The following COL6A2 variants were observed in gnomAD, a reference collection of about 807,000 sequenced individuals.
COL6A2 encodes the protein collagen alpha-2(VI) chain.
In COL6A2, 90 loss-of-function variants were observed where a neutral mutation model predicts 124.9. The ratio of observed to expected loss-of-function variants is 0.72; its 90% confidence interval spans 0.61 to 0.86. The LOEUF is 0.86. Ranked by LOEUF, COL6A2 falls within the 40% of genes least tolerant of loss-of-function variation. The probability of loss-of-function intolerance (pLI) is 0.00; values close to 1 mark genes in which losing one functional copy is unlikely to be tolerated. For missense variants in COL6A2, 1,607 were observed against 1,502.5 expected, an observed-to-expected ratio of 1.07 and a Z score of -1.15; for synonymous variants, 793 against 618.2, an observed-to-expected ratio of 1.28 and a Z score of -4.19.
chr21:46,129,042 G>A (rs1157013126), intron 27 of COL6A2: 24 of 1,601,164 alleles, frequency 1.5e-5, no homozygotes, highest in Non-Finnish European at 1.8e-5. Context: ...TGCCAAGGCC[G>A]AGCCACACAC....
rs1568940086 is a variant in COL6A2, at chr21:46,125,824, CCTTTGAGG to C, written c.2011_2018del (p.Phe671HisfsTer68). 2 of 1,612,604 alleles carry C rather than the reference CCTTTGAGG, an allele frequency of 1.2e-6. No homozygotes were observed. Among genetic ancestry groups the C allele is most frequent in the African/African-American group, 2.7e-5 (2 of 74,842 alleles). On this transcript the variant is annotated frameshift_variant, in exon 26 of 28. Coordinates refer to ENST00000300527, the MANE Select transcript of COL6A2 (RefSeq NM_001849.4). LOFTEE classifies it high-confidence loss of function. Reference sequence around the variant, plus strand: ...GTGGTGCAGTACAGCCACGAGGGCACCTTTGAGGCCATCCAGCTGGACGACGAACGTAT... The same window carrying C: ...GTGGTGCAGTACAGCCACGAGGGCACCCATCCAGCTGGACGACGAACGTAT...
rs139116075 is a variant in COL6A2, at chr21:46,132,204, G to A, written c.2712G>A (p.Ala904=). The A allele has an allele frequency of 1.8e-4, 278 of 1,584,514 alleles. No individual in the cohort carries two copies. The highest frequency in any genetic ancestry group is 2.2e-4 in the Non-Finnish European group (251 of 1,166,752). The change falls in exon 28 of 28, where the codon GCG becomes GCA. Residue 904 remains alanine, a synonymous_variant. Transcript: ENST00000300527. Reference sequence around the variant, plus strand: ...ACAACCTCACGGCCATCCACGAGGCGCTGGAGACCACACAATACCTGAACT... The same window carrying A: ...ACAACCTCACGGCCATCCACGAGGCACTGGAGACCACACAATACCTGAACT... The part of the protein sequence containing the change: ...LSHNLTAIHE[A]LETTQYLNSF...
At chr21:46,119,766 C>T in intron 14 of COL6A2, 22 bp from the exon 15 acceptor site, 2 of 1,554,750 alleles carry the variant, frequency 1.3e-6, no homozygotes, top group Middle Eastern at 1.7e-4. Flanking sequence ...CCCTCCCTCA[C>T]CCACACGCCT....
rs139955689 is a variant in COL6A2, at chr21:46,103,976, A to G, written c.-28+5803A>G. On this transcript the variant is annotated intron_variant, in intron 1 of 27. Coordinates refer to ENST00000300527, the MANE Select transcript of COL6A2 (RefSeq NM_001849.4). ...ACCATATATGTGGAGAAAATAAAAAAGTCATTGCACATGCTCAGGGGAAGT... is the reference window on the plus strand; with the variant it reads ...ACCATATATGTGGAGAAAATAAAAAGGTCATTGCACATGCTCAGGGGAAGT... Among the ~76,000 whole-genome samples, 874 of 152,338 alleles carry G rather than the reference A, an allele frequency of 5.7e-3. 10 individuals are homozygous for G. The highest frequency in any genetic ancestry group is 0.02 in the African/African-American group (826 of 41,562).
At position 46,132,133 on chromosome 21, in the gene COL6A2, C is replaced by G. The variant is rs2078768710; in HGVS notation, c.2641C>G (p.Gln881Glu). ...DPLNARVALL[Q>E]FGGPGEQQVA... ...TCTCAACGCACGCGTGGCGCTGCTG[C>G]AGTTTGGTGGCCCCGGCGAGCAGCA... Residue 881 changes from glutamine (Q) to glutamate (E), a missense_variant, in exon 28 of 28, where the codon CAG becomes GAG. By Grantham distance (29) the Gln-to-Glu change is conservative. Coordinates refer to ENST00000300527, the MANE Select transcript of COL6A2 (RefSeq NM_001849.4). 2 of 1,577,546 alleles carry G rather than the reference C, an allele frequency of 1.3e-6. No homozygotes were observed. Among genetic ancestry groups the G allele is most frequent in the East Asian group, 2.4e-5 (1 of 42,252 alleles).
At chr21:46,126,631 G>C in intron 27 of COL6A2, 90 bp downstream of exon 27, 1 of 1,517,528 alleles carries the variant, frequency 6.6e-7, no homozygotes, top group Non-Finnish European at 9.1e-7. Flanking sequence ...GGGAGGGGCC[G>C]TGCAGGGACC....
chr21:46,113,603 T>A (rs2078433646), intron 4 of COL6A2: 2 of 257,864 alleles, frequency 7.8e-6, no homozygotes, highest in African/African-American at 4.4e-5. Context: ...GTATTGTTTT[T>A]TTGTAGAGAT....
intron 1 of COL6A2, among the ~76,000 whole-genome samples, chr21:46,106,136 A>G (rs977877065): frequency 5.3e-5 from 8 of 152,288 alleles, no homozygotes; most frequent in African/African-American, 1.9e-4. Context: ...CAAGAGGGAA[A>G]GAAGGACATC....
chr21:46,118,402 T>G (rs1182315666), intron 12 of COL6A2, among the ~76,000 whole-genome samples: 1 of 152,194 alleles, frequency 6.6e-6, no homozygotes, highest in African/African-American at 2.4e-5. Context: ...TCTGAGCAGA[T>G]GCACAGGCGT....
At chr21:46,099,889 C>CTTTTTTTTTTTTTGT (rs2078269535) in intron 1 of COL6A2, among the ~76,000 whole-genome samples, 1 of 91,840 alleles carries the variant, frequency 1.1e-5, no homozygotes, top group Non-Finnish European at 2.1e-5. Flanking sequence ...GCAGCACTGT[C>CTTTTTTTTTTTTTGT]TTTTTTTTTT....
intron 27 of COL6A2, among the ~76,000 whole-genome samples, chr21:46,131,315 G>C (rs1187626517): frequency 6.6e-6 from 1 of 152,220 alleles, no homozygotes. Context: ...CCGATGCCCA[G>C]GGCTGGTGAC....
rs147670858 is a variant in COL6A2, at chr21:46,132,347, C to T, written c.2855C>T (p.Thr952Met). The change falls in exon 28 of 28, where the codon ACG becomes ATG. Residue 952 changes from threonine (T) to methionine (M), a missense_variant. Physicochemically the swap from Thr to Met is moderately conservative, Grantham distance 81 (BLOSUM62 -1). Coordinates refer to ENST00000300527, the MANE Select transcript of COL6A2 (RefSeq NM_001849.4). Reference sequence around the variant, plus strand: ...TTCGTGTTCCTCACGGACGGCGTCACGGGCAACGACAGTCTGCACGAGTCG... The same window carrying T: ...TTCGTGTTCCTCACGGACGGCGTCATGGGCAACGACAGTCTGCACGAGTCG... The part of the protein sequence containing the change: ...LSFVFLTDGV[T>M]GNDSLHESAH... 136 of 1,608,314 alleles carry T rather than the reference C, an allele frequency of 8.5e-5. 1 individual carries two copies. Among genetic ancestry groups the T allele is most frequent in the Middle Eastern group, 1.6e-4 (1 of 6,080 alleles).
rs1466849097 is a variant in COL6A2, at chr21:46,101,891, C to T, written c.-28+3718C>T. On this transcript the variant is annotated intron_variant, in intron 1 of 27. Coordinates refer to ENST00000300527, the MANE Select transcript of COL6A2 (RefSeq NM_001849.4). The stretch of plus-strand genomic sequence containing the variant: ...TTTTTTTTTTGGCTATTCGAGGTCC[C>T]TTGAGATTCCATCTAAATTTTAGGA... Among the ~76,000 whole-genome samples, 64 of 104,096 alleles carry T rather than the reference C, an allele frequency of 6.1e-4. 1 individual carries two copies. Among genetic ancestry groups the T allele is most frequent in the Non-Finnish European group, 1.1e-3 (59 of 53,526 alleles). The allele number at this position is 104,096 out of a possible 152,430, so 68.3% of individuals were successfully genotyped here. A position where few individuals can be genotyped will look rare whatever the true frequency, so the allele number is the denominator to read the frequency against.
In COL6A2 at chr21:46,132,276, C is replaced by T. The variant is rs199501232; in HGVS notation, c.2784C>T (p.Ile928=). The change falls in exon 28 of 28, where the codon ATC becomes ATT. Residue 928 remains isoleucine (I), a synonymous_variant. Coordinates refer to ENST00000300527, the MANE Select transcript of COL6A2 (RefSeq NM_001849.4). Reference sequence around the variant, plus strand: ...GCGTGGTGCACGCCATCAATGCCATCGTGCGCAGCCCGCGTGGCGGGGCCC... The same window carrying T: ...GCGTGGTGCACGCCATCAATGCCATTGTGCGCAGCCCGCGTGGCGGGGCCC... ...GAGVVHAINA[I]VRSPRGGARR... 140 of 1,606,480 alleles carry T rather than the reference C, an allele frequency of 8.7e-5. No homozygotes were observed. The highest frequency in any genetic ancestry group is 2.0e-4 in the Admixed American group (12 of 59,726).
At chr21:46,118,515 A>C in intron 12 of COL6A2, 99 bp from the exon 13 acceptor site, 1 of 1,133,430 alleles carries the variant, frequency 8.8e-7, no homozygotes, top group Non-Finnish European at 1.3e-6. Context: ...AGGGAGGTGC[A>C]GTCCCAAGCC....
chr21:46,125,879 G>C lies in COL6A2; in HGVS notation c.2064G>C (p.Lys688Asn), dbSNP rs746767533. 1 of 1,613,154 alleles carries C rather than the reference G, an allele frequency of 6.2e-7. No individual in the cohort carries two copies. Among genetic ancestry groups the C allele is most frequent in the Non-Finnish European group, 8.5e-7 (1 of 1,179,982 alleles). Residue 688 changes from lysine to asparagine, a missense_variant, in exon 26 of 28, where the codon AAG (lysine) becomes AAC (asparagine). Transcript: ENST00000300527. The part of the protein sequence containing the change: ...DERIDSLSSF[K>N]EAVKNLEWIA... ...GTATCGACTCCCTGTCGAGCTTCAAGGAGGCTGTCAAGAACCTCGAGTGGA... is the reference window on the plus strand; with the variant it reads ...GTATCGACTCCCTGTCGAGCTTCAACGAGGCTGTCAAGAACCTCGAGTGGA...
At position 46,119,017 on chromosome 21, in the gene COL6A2, T is replaced by G. The variant is rs752239454; in HGVS notation, c.1180-13T>G. 1.3e-6 allele frequency: 2 copies of G among 1,596,454 alleles called. No individual in the cohort carries two copies. Among genetic ancestry groups the G allele is most frequent in the South Asian group, 1.1e-5 (1 of 90,830 alleles). On this transcript the variant is annotated splice_polypyrimidine_tract_variant and intron_variant, in intron 13 of 27. Transcript: ENST00000300527. Reference sequence around the variant, plus strand: ...CTGCCTCTGGGTGACTGTGCTGTCCTCTCCTTCTTCAGGGGTATCAAGGCA... The same window carrying G: ...CTGCCTCTGGGTGACTGTGCTGTCCGCTCCTTCTTCAGGGGTATCAAGGCA...
intron 15 of COL6A2, among the ~76,000 whole-genome samples, chr21:46,120,310 G>T (rs1407509161): frequency 6.6e-6 from 1 of 152,164 alleles, no homozygotes; most frequent in Non-Finnish European, 1.5e-5. Flanking sequence ...CAGGGGGACC[G>T]AGAGACACCG....
chr21:46,120,649 T>G, intron 16 of COL6A2, 72 bp downstream of exon 16: 1 of 1,368,130 alleles, frequency 7.3e-7, no homozygotes, highest in Non-Finnish European at 9.7e-7. Flanking sequence ...CACCCCAAGG[T>G]AGGGTGGCCG....
Sources: gnomAD v4.1 joint callset for allele counts (sites outside exome capture counted in the v4.1 genomes callset) on GRCh38, gnomAD v4.1.1 for gene constraint, MANE v1.5 for transcripts, NCBI Gene and HGNC (gene_info 2026-07-23, HGNC 2026-07-21) for gene names.